The following ITPR2 variants were observed in gnomAD, a reference collection of about 807,000 sequenced individuals.
The protein encoded by ITPR2 is inositol 1,4,5-trisphosphate receptor type 2.
Under a neutral mutation model 317.1 loss-of-function variants are expected in ITPR2, and 207 were observed. The ratio of observed to expected loss-of-function variants is 0.65; its 90% confidence interval spans 0.58 to 0.73. ITPR2 has a LOEUF of 0.73. Ranked by LOEUF, ITPR2 falls within the 30% of genes least tolerant of loss-of-function variation. ITPR2 has a pLI of 0.00. For missense variants in ITPR2, 2,613 were observed against 3,284.0 expected, an observed-to-expected ratio of 0.80 and a Z score of 4.99; for synonymous variants, 1,156 against 1,149.1, an observed-to-expected ratio of 1.01 and a Z score of -0.12.
At chr12:26,808,340 C>T (rs193120235) in intron 1 of ITPR2, among the ~76,000 whole-genome samples, 2 of 152,222 alleles carry the variant, frequency 1.3e-5, no homozygotes, top group East Asian at 3.9e-4. Context: ...TAAATGTAGC[C>T]ATGAAGGTCA....
At chr12:26,387,621 T>C in intron 54 of ITPR2, 27 bp from the exon 55 acceptor site, 2 of 1,603,550 alleles carry the variant, frequency 1.2e-6, no homozygotes, top group Non-Finnish European at 1.7e-6. Flanking sequence ...ACACAATATA[T>C]GTAATTCGTC....
chr12:26,742,494 C>T (rs963506179), intron 2 of ITPR2, among the ~76,000 whole-genome samples: 4 of 152,264 alleles, frequency 2.6e-5, no homozygotes, highest in Admixed American at 2.6e-4. Flanking sequence ...GATATATCCA[C>T]ATCTTGGAAT....
At chr12:26,416,008 T>G (rs1277414487) in intron 50 of ITPR2, among the ~76,000 whole-genome samples, 2 of 152,174 alleles carry the variant, frequency 1.3e-5, no homozygotes, top group Non-Finnish European at 2.9e-5. Flanking sequence ...GTAAGAACAG[T>G]TTCATGAGTC....
rs571313787 is a variant in ITPR2 at position 26,487,087 on chromosome 12, T to A, written c.5535A>T (p.Thr1845=). ...KKRDDDNELM[T]SGPRMRVRDS... ...CTTTACCTCTCATTCGTGGACCAGA[T>A]GTCATCAATTCATTGTCATCGTCCC... Residue 1845 remains threonine, a synonymous_variant, in exon 40 of 57, where the codon ACA becomes ACT. Transcript: ENST00000381340. The A allele has an allele frequency of 4.3e-6, 7 of 1,612,288 alleles. No homozygotes were observed. In the South Asian group the frequency reaches 7.7e-5, roughly 18 times the overall value.
intron 2 of ITPR2, among the ~76,000 whole-genome samples, chr12:26,726,898 A>G (rs529501105): frequency 2.0e-5 from 3 of 152,132 alleles, no homozygotes; most frequent in Non-Finnish European, 2.9e-5. Context: ...ATTTTTTTCT[A>G]TAAGAACACA....
At chr12:26,611,566 A>G (rs1036348544) in intron 26 of ITPR2, among the ~76,000 whole-genome samples, 1 of 152,196 alleles carries the variant, frequency 6.6e-6, no homozygotes, top group Non-Finnish European at 1.5e-5. Flanking sequence ...CATCTCTAAA[A>G]AAAAGTAAAG....
intron 9 of ITPR2, among the ~76,000 whole-genome samples, chr12:26,698,372 A>G (rs930678987): frequency 6.6e-6 from 1 of 152,206 alleles, no homozygotes; most frequent in African/African-American, 2.4e-5. Context: ...ATGGAGTACT[A>G]CTCGGCAATG....
intron 45 of ITPR2, among the ~76,000 whole-genome samples, chr12:26,449,711 T>A (rs543889554): frequency 6.6e-6 from 1 of 151,906 alleles, no homozygotes; most frequent in Non-Finnish European, 1.5e-5. Flanking sequence ...TGATTCTGCA[T>A]AGAGAGAGGG....
chr12:26,711,894 G>T lies in ITPR2; in HGVS notation c.856-626C>A, dbSNP rs555296006. On this transcript the variant is annotated intron_variant, in intron 8 of 56. Coordinates refer to ENST00000381340, the MANE Select transcript of ITPR2 (RefSeq NM_002223.4). ...AGAATCACAAACGTCAAGGCCTAAG[G>T]TCTAAACTACTTAATTCTTAGCCCT... 1.5e-4 allele frequency among the ~76,000 whole-genome samples: 23 copies of T among 152,248 alleles called. No individual in the cohort carries two copies. In the South Asian group the frequency reaches 4.8e-3, roughly 32 times the overall value.
chr12:26,534,069 A>G (rs567130327), intron 37 of ITPR2, among the ~76,000 whole-genome samples: 2 of 152,308 alleles, frequency 1.3e-5, no homozygotes, highest in South Asian at 4.1e-4. Flanking sequence ...CCACTGCTTG[A>G]CATGTCCATT....
intron 55 of ITPR2, among the ~76,000 whole-genome samples, chr12:26,380,794 C>CAGTT (rs1215946108): frequency 1.3e-5 from 2 of 152,192 alleles, no homozygotes; most frequent in Non-Finnish European, 2.9e-5. Flanking sequence ...TCCCCTCCAA[C>CAGTT]AGTTACTGCT....
At chr12:26,736,148 G>T (rs969027028) in intron 2 of ITPR2, among the ~76,000 whole-genome samples, 1 of 152,062 alleles carries the variant, frequency 6.6e-6, no homozygotes, top group Non-Finnish European at 1.5e-5. Context: ...TTTTTTGCGG[G>T]GTGGGGGGAG....
At chr12:26,684,072 C>A (rs1948083710) in intron 11 of ITPR2, among the ~76,000 whole-genome samples, 1 of 152,204 alleles carries the variant, frequency 6.6e-6, no homozygotes, top group Non-Finnish European at 1.5e-5. Context: ...ACAAACTGAG[C>A]TTCAAATATC....
At chr12:26,675,113 T>C (rs1438750583) in intron 13 of ITPR2, among the ~76,000 whole-genome samples, 1 of 151,972 alleles carries the variant, frequency 6.6e-6, no homozygotes, top group Admixed American at 6.6e-5. Flanking sequence ...TGTAAACTAG[T>C]TCAACCATTG....
intron 54 of ITPR2, among the ~76,000 whole-genome samples, chr12:26,393,078 G>T (rs1466322570): frequency 2.6e-5 from 4 of 152,178 alleles, no homozygotes; most frequent in African/African-American, 9.7e-5. Flanking sequence ...TCTGGACATT[G>T]TCTTCAAGGC....
intron 1 of ITPR2, among the ~76,000 whole-genome samples, chr12:26,810,338 A>ACAG (rs1950712162): frequency 1.3e-5 from 2 of 152,230 alleles, no homozygotes; most frequent in Non-Finnish European, 2.9e-5. Flanking sequence ...AATCAGTGAA[A>ACAG]TGACATCTCA....
At chr12:26,592,938 G>T (rs944110414) in intron 32 of ITPR2, among the ~76,000 whole-genome samples, 4 of 152,166 alleles carry the variant, frequency 2.6e-5, no homozygotes, top group Admixed American at 2.6e-4. Context: ...ATGCTAATAT[G>T]TGCTAAGAAT....
chr12:26,497,708 A>ATT (rs34121849), intron 37 of ITPR2, among the ~76,000 whole-genome samples: 16 of 126,516 alleles, frequency 1.3e-4, no homozygotes, highest in East Asian at 2.2e-4. Flanking sequence ...AGTGCCAAGA[A>ATT]TTTTTTTTTT....
intron 43 of ITPR2, 120 bp from the exon 44 acceptor site, chr12:26,477,127 G>T: frequency 1.7e-6 from 1 of 579,042 alleles, no homozygotes; most frequent in Non-Finnish European, 3.0e-6. Context: ...ATTTAAAACT[G>T]CTAATTTCAT....
Sources: gnomAD v4.1 joint callset for allele counts (sites outside exome capture counted in the v4.1 genomes callset) on GRCh38, gnomAD v4.1.1 for gene constraint, MANE v1.5 for transcripts, NCBI Gene and HGNC (gene_info 2026-07-23, HGNC 2026-07-21) for gene names.